ANKRD44: variants seen among roughly 807,000 people sequenced by gnomAD.
ANKRD44 encodes ankyrin repeat domain 44, also known as serine/threonine-protein phosphatase 6 regulatory ankyrin repeat subunit B.
Under a neutral mutation model 116.0 loss-of-function variants are expected in ANKRD44, and 35 were observed. The observed-to-expected ratio is 0.30, with a 90% CI of 0.23 to 0.40. ANKRD44 has a LOEUF of 0.40. Among genes scored for constraint, ANKRD44 ranks in the 10% least tolerant of loss-of-function variants. ANKRD44 has a pLI of 1.00. For synonymous variants in ANKRD44, 435 were observed against 461.8 expected (o/e 0.94, Z 0.74); for missense variants, 1,014 against 1,242.6 (o/e 0.82, Z 2.77).
At chr2:196,989,925 T>C in intron 27 of ANKRD44, 7 of 1,105,026 alleles carry the variant, frequency 6.3e-6, no homozygotes, top group Non-Finnish European at 7.7e-6. Context: ...TATTTTTGCA[T>C]ATTGTGTCAA....
chr2:197,298,348 A>G (rs1203137175), intron 1 of ANKRD44, among the ~76,000 whole-genome samples: 1 of 152,228 alleles, frequency 6.6e-6, no homozygotes, highest in Non-Finnish European at 1.5e-5. Flanking sequence ...TGGGATTCTA[A>G]GACCAATGCT....
chr2:197,004,827 A>T lies in ANKRD44; in HGVS notation c.2347+867T>A, dbSNP rs1329531951. On this transcript the variant is annotated intron_variant, in intron 21 of 27. Transcript: ENST00000282272. The stretch of plus-strand genomic sequence containing the variant: ...ACATGCACATTGCTGCATTGCTTGT[A>T]ATAGGAAAAAAGAAATCTGAATGTC... Among the ~76,000 whole-genome samples the T allele has an allele frequency of 2.6e-5, 4 of 152,276 alleles. No homozygotes were observed. The East Asian group carries it at 7.7e-4, about 29-fold the overall frequency.
At chr2:197,055,259 GT>G (rs1202776870) in intron 16 of ANKRD44, among the ~76,000 whole-genome samples, 5 of 152,138 alleles carry the variant, frequency 3.3e-5, no homozygotes, top group Admixed American at 1.3e-4. Context: ...GCCTGTTCAA[GT>G]TTTTTGCCCA....
chr2:197,145,555 C>T (rs1053443922), intron 3 of ANKRD44, among the ~76,000 whole-genome samples: 1 of 152,170 alleles, frequency 6.6e-6, no homozygotes, highest in African/African-American at 2.4e-5. Context: ...GAAGAAAGGC[C>T]TATTCTCAAA....
intron 16 of ANKRD44, among the ~76,000 whole-genome samples, chr2:197,045,868 AT>A (rs1248013846): frequency 1.3e-5 from 2 of 152,208 alleles, no homozygotes; most frequent in Non-Finnish European, 2.9e-5. Context: ...TTGAAAAAAA[AT>A]GAAAGAATTG....
chr2:197,196,740 G>C (rs1479709823), intron 1 of ANKRD44, among the ~76,000 whole-genome samples: 2 of 152,126 alleles, frequency 1.3e-5, no homozygotes, highest in Admixed American at 1.3e-4. Flanking sequence ...TAGCACCTGG[G>C]TTCTTTCCAA....
intron 1 of ANKRD44, among the ~76,000 whole-genome samples, chr2:197,282,024 C>T (rs1045509300): frequency 3.9e-5 from 6 of 152,058 alleles, no homozygotes; most frequent in East Asian, 1.9e-4. Flanking sequence ...GAGGCCGAGG[C>T]GGGCAGATCA....
Position 197,088,737 on chromosome 2 carries a change from C to T in ANKRD44, c.1221G>A (p.Thr407=), listed in dbSNP as rs778649944. The change falls in exon 12 of 28, where the codon ACG becomes ACA. Residue 407 remains threonine (T), a synonymous_variant. Coordinates refer to ENST00000282272, the MANE Select transcript of ANKRD44 (RefSeq NM_001195144.2). ...EIDTPDKFGR[T]CLHAAAAGGN... is the part of the protein sequence containing the mutation. ...CTCCTGCAGCAGCAGCATGAAGGCACGTTCTTCCAAATTTATCTGGGGTGT... is the reference window on the plus strand; with the variant it reads ...CTCCTGCAGCAGCAGCATGAAGGCATGTTCTTCCAAATTTATCTGGGGTGT... 3.3e-5 allele frequency: 53 copies of T among 1,612,164 alleles called. No individual in the cohort carries two copies. In the East Asian group the frequency reaches 9.6e-4, roughly 29 times the overall value.
intron 1 of ANKRD44, among the ~76,000 whole-genome samples, chr2:197,305,334 C>G (rs1302882512): frequency 6.6e-6 from 1 of 152,146 alleles, no homozygotes; most frequent in Non-Finnish European, 1.5e-5. Flanking sequence ...ATATATTGAG[C>G]TTCAATATGA....
intron 13 of ANKRD44, 125 bp from the exon 14 acceptor site, chr2:197,083,634 C>A: frequency 2.1e-6 from 2 of 969,290 alleles, no homozygotes; most frequent in Non-Finnish European, 2.9e-6. Context: ...TGTGTGGAGG[C>A]CAAAGTCATG....
At chr2:197,294,893 C>T (rs1010622682) in intron 1 of ANKRD44, among the ~76,000 whole-genome samples, 2 of 152,134 alleles carry the variant, frequency 1.3e-5, no homozygotes, top group African/African-American at 2.4e-5. Flanking sequence ...TCTCTTCCCC[C>T]ATCTTGGCTC....
At chr2:197,130,565 C>A (rs770591762) in intron 4 of ANKRD44, among the ~76,000 whole-genome samples, 2 of 152,190 alleles carry the variant, frequency 1.3e-5, no homozygotes, top group Non-Finnish European at 2.9e-5. Flanking sequence ...TCAACAAACA[C>A]CCCAGAGAGT....
At chr2:197,305,122 T>G (rs905494527) in intron 1 of ANKRD44, among the ~76,000 whole-genome samples, 1 of 152,214 alleles carries the variant, frequency 6.6e-6, no homozygotes, top group African/African-American at 2.4e-5. Flanking sequence ...GTCATCCTAG[T>G]TCTGTGTAGT....
At chr2:197,254,765 CATAT>C (rs58681709) in intron 1 of ANKRD44, among the ~76,000 whole-genome samples, 2 of 151,478 alleles carry the variant, frequency 1.3e-5, no homozygotes, top group Non-Finnish European at 2.9e-5. Context: ...CACACACACA[CATAT>C]ATATATATTT....
chr2:196,994,325 A>G (rs2075973019), intron 26 of ANKRD44, among the ~76,000 whole-genome samples: 1 of 151,814 alleles, frequency 6.6e-6, no homozygotes, highest in Non-Finnish European at 1.5e-5. Flanking sequence ...AGCTGGGACT[A>G]CAGGTGCAAA....
At chr2:197,308,655 T>G (rs1183591087) in intron 1 of ANKRD44, among the ~76,000 whole-genome samples, 1 of 152,222 alleles carries the variant, frequency 6.6e-6, no homozygotes, top group Non-Finnish European at 1.5e-5. Flanking sequence ...ATACTCATAC[T>G]AGTTTATTGG....
intron 1 of ANKRD44, among the ~76,000 whole-genome samples, chr2:197,270,586 G>A (rs1417853283): frequency 6.6e-6 from 1 of 152,158 alleles, no homozygotes; most frequent in Non-Finnish European, 1.5e-5. Flanking sequence ...CAGACTAAAC[G>A]CAGAGGAGAG....
chr2:197,046,127 A>G (rs2076997067), intron 16 of ANKRD44, among the ~76,000 whole-genome samples: 1 of 152,224 alleles, frequency 6.6e-6, no homozygotes, highest in Non-Finnish European at 1.5e-5. Context: ...ATAGCATTCC[A>G]ATAAATCAGT....
chr2:197,099,414 G>T, intron 10 of ANKRD44: 1 of 654,482 alleles, frequency 1.5e-6, no homozygotes, highest in Non-Finnish European at 1.9e-6. Flanking sequence ...CTACATAGCA[G>T]ATTGACTCAA....
Sources: gnomAD v4.1 joint callset for allele counts (sites outside exome capture counted in the v4.1 genomes callset) on GRCh38, gnomAD v4.1.1 for gene constraint, MANE v1.5 for transcripts, NCBI Gene and HGNC (gene_info 2026-07-23, HGNC 2026-07-21) for gene names.